The following UGGT2 variants were observed in gnomAD, a reference collection of about 807,000 sequenced individuals.
UGGT2 encodes the protein UDP-glucose glycoprotein glucosyltransferase 2.
Under a neutral mutation model 192.1 loss-of-function variants are expected in UGGT2, and 180 were observed. That is an observed-to-expected ratio of 0.94 (90% CI 0.83 to 1.06). The LOEUF is 1.06. UGGT2 is among the 50% of genes least tolerant of loss of function. UGGT2 has a pLI of 0.00. For missense variants in UGGT2, 1,849 were observed against 1,795.7 expected, an observed-to-expected ratio of 1.03 and a Z score of -0.54; for synonymous variants, 580 against 591.0, an observed-to-expected ratio of 0.98 and a Z score of 0.27.
At chr13:96,045,505 G>A (rs2053284082) in intron 1 of UGGT2, among the ~76,000 whole-genome samples, 1 of 152,224 alleles carries the variant, frequency 6.6e-6, no homozygotes, top group East Asian at 1.9e-4. Flanking sequence ...ACAAGAGAAA[G>A]AAATAAAGGG....
chr13:95,998,337 C>T (rs2051692929), intron 6 of UGGT2, among the ~76,000 whole-genome samples: 1 of 152,150 alleles, frequency 6.6e-6, no homozygotes. Flanking sequence ...TATACACAAG[C>T]TATAGAGAAA....
chr13:96,025,681 AAGTT>A (rs1405800558), intron 2 of UGGT2, among the ~76,000 whole-genome samples: 1 of 152,158 alleles, frequency 6.6e-6, no homozygotes, highest in Non-Finnish European at 1.5e-5. Context: ...GTGGCAAGCT[AAGTT>A]TTTAGCTTGC....
chr13:96,028,089 G>A (rs1204877611), intron 2 of UGGT2, among the ~76,000 whole-genome samples: 2 of 152,108 alleles, frequency 1.3e-5, no homozygotes, highest in Non-Finnish European at 2.9e-5. Context: ...TTCTCATTCT[G>A]TGCCTTCTCC....
intron 22 of UGGT2, among the ~76,000 whole-genome samples, chr13:95,896,007 C>G (rs1281064910): frequency 6.6e-6 from 1 of 152,052 alleles, no homozygotes; most frequent in Non-Finnish European, 1.5e-5. Flanking sequence ...CCACTACTGA[C>G]TCTACTACCA....
chr13:95,904,886 G>C (rs2048233781), intron 20 of UGGT2, among the ~76,000 whole-genome samples: 1 of 151,224 alleles, frequency 6.6e-6, no homozygotes, highest in Non-Finnish European at 1.5e-5. Flanking sequence ...CTTCCACAAT[G>C]GTTGAACTAG....
chr13:95,978,164 A>G (rs1282560384), intron 10 of UGGT2, among the ~76,000 whole-genome samples: 6 of 152,162 alleles, frequency 3.9e-5, no homozygotes, highest in Non-Finnish European at 5.9e-5. Context: ...TGTTCTGCAT[A>G]TGTATCCCAG....
At chr13:95,968,671 C>G (rs2050667815) in intron 12 of UGGT2, among the ~76,000 whole-genome samples, 5 of 152,192 alleles carry the variant, frequency 3.3e-5, no homozygotes, top group Admixed American at 3.3e-4. Context: ...AGAAGCCAAA[C>G]AGATGTTGGC....
intron 37 of UGGT2, among the ~76,000 whole-genome samples, chr13:95,834,299 C>A (rs553334331): frequency 1.9e-4 from 29 of 152,098 alleles, no homozygotes; most frequent in Non-Finnish European, 3.8e-4. Flanking sequence ...GGTAATCATG[C>A]CCCTCGGGGA....
intron 6 of UGGT2, among the ~76,000 whole-genome samples, chr13:95,996,690 A>T (rs2051633023): frequency 6.6e-6 from 1 of 152,210 alleles, no homozygotes; most frequent in Non-Finnish European, 1.5e-5. Flanking sequence ...ATTAGTTAAT[A>T]GTCAAGTTCT....
chr13:95,860,725 T>G (rs1162943383), intron 32 of UGGT2, 63 bp downstream of exon 32: 7 of 1,103,904 alleles, frequency 6.3e-6, no homozygotes, highest in Non-Finnish European at 8.7e-6. Context: ...CTTTATTTTT[T>G]TTTGAAATTT....
intron 29 of UGGT2, among the ~76,000 whole-genome samples, chr13:95,867,971 T>C (rs1044892676): frequency 6.6e-6 from 1 of 152,178 alleles, no homozygotes; most frequent in Non-Finnish European, 1.5e-5. Context: ...GCAGTTTTTT[T>C]CTCCCATTTT....
intron 30 of UGGT2, among the ~76,000 whole-genome samples, chr13:95,865,267 T>A (rs574269643): frequency 6.6e-6 from 1 of 152,342 alleles, no homozygotes. Context: ...ATGTTGCTTA[T>A]CTTTTCTCCT....
chr13:95,910,340 A>G (rs1352343479), intron 20 of UGGT2, among the ~76,000 whole-genome samples: 2 of 152,130 alleles, frequency 1.3e-5, no homozygotes, highest in Admixed American at 6.5e-5. Context: ...TGTCTTCAGG[A>G]GACCCATCTC....
chr13:95,856,168 T>C lies in UGGT2; in HGVS notation c.3998A>G (p.Asp1333Gly), dbSNP rs758966746. The change falls in exon 34 of 39, where the codon GAT (aspartate) becomes GGT (glycine). Residue 1333 changes from aspartate to glycine, a missense_variant. Transcript: ENST00000376747. The part of the protein sequence containing the change: ...PLAVDKIIFV[D>G]ADQIVRHDLK... ...AGTTAACCTTATTACCTGGTCAGCA[T>C]CAACAAAAATGATTTTGTCCACTGC... is the stretch of plus-strand genomic sequence containing the variant. The C allele has an allele frequency of 4.3e-6, 7 of 1,610,988 alleles. No homozygotes were observed. The highest frequency in any genetic ancestry group is 5.9e-6 in the Non-Finnish European group (7 of 1,179,126).
chr13:95,947,917 T>C, intron 14 of UGGT2, 79 bp downstream of exon 14: 1 of 1,244,168 alleles, frequency 8.0e-7, no homozygotes. Flanking sequence ...GAATGCCCTA[T>C]TAATACTCTG....
At chr13:95,972,901 C>T (rs963201375) in intron 10 of UGGT2, among the ~76,000 whole-genome samples, 3 of 152,192 alleles carry the variant, frequency 2.0e-5, no homozygotes, top group Admixed American at 6.5e-5. Flanking sequence ...CCAGGCGTGG[C>T]GGCTTACGCC....
Position 95,854,447 on chromosome 13 carries a change from C to T in UGGT2, c.4037G>A (p.Arg1346Gln), listed in dbSNP as rs780958570. Residue 1346 changes from arginine (R) to glutamine (Q), a missense_variant, in exon 35 of 39, where the codon CGA (arginine) becomes CAA (glutamine). Coordinates refer to ENST00000376747, the MANE Select transcript of UGGT2 (RefSeq NM_020121.4). ...AGGAGCTCCATCCAGATCGAAATCT[C>T]GAAGTTCTTTTAGATCATGTCTCAC... ...QIVRHDLKEL[R>Q]DFDLDGAPYG... is the part of the protein sequence containing the mutation. 15 of 1,610,150 alleles carry T rather than the reference C, an allele frequency of 9.3e-6. No individual in the cohort carries two copies. The highest frequency in any genetic ancestry group is 1.7e-5 in the Admixed American group (1 of 59,378).
At chr13:95,980,153 G>A (rs531468909) in intron 10 of UGGT2, among the ~76,000 whole-genome samples, 2 of 151,950 alleles carry the variant, frequency 1.3e-5, no homozygotes, top group African/African-American at 4.8e-5. Flanking sequence ...CCAGAGGGGT[G>A]GGGGGGAAGT....
intron 10 of UGGT2, among the ~76,000 whole-genome samples, chr13:95,978,938 C>T (rs2051028102): frequency 6.6e-6 from 1 of 152,170 alleles, no homozygotes; most frequent in South Asian, 2.1e-4. Context: ...GAAGCAACAT[C>T]AACTTTTATT....
Sources: gnomAD v4.1 joint callset for allele counts (sites outside exome capture counted in the v4.1 genomes callset) on GRCh38, gnomAD v4.1.1 for gene constraint, MANE v1.5 for transcripts, NCBI Gene and HGNC (gene_info 2026-07-23, HGNC 2026-07-21) for gene names.